OSGEPL1: variants seen among roughly 807,000 people sequenced by gnomAD.
OSGEPL1 encodes O-sialoglycoprotein endopeptidase like 1.
In OSGEPL1, 26 loss-of-function variants were observed where a neutral mutation model predicts 37.2. The ratio of observed to expected loss-of-function variants is 0.70; its 90% confidence interval spans 0.51 to 0.97. The LOEUF (loss-of-function observed/expected upper bound fraction) is 0.97, where lower values mean the gene tolerates loss of function less well. Ranked by LOEUF, OSGEPL1 falls within the 50% of genes least tolerant of loss-of-function variation. The probability of loss-of-function intolerance (pLI) is 0.00; values close to 1 mark genes in which losing one functional copy is unlikely to be tolerated. For missense variants in OSGEPL1, 404 were observed against 487.0 expected, an observed-to-expected ratio of 0.83 and a Z score of 1.60; for synonymous variants, 140 against 159.9, an observed-to-expected ratio of 0.88 and a Z score of 0.94.
intron 8 of OSGEPL1, among the ~76,000 whole-genome samples, chr2:189,747,618 TCTC>T (rs752835556): frequency 6.6e-6 from 1 of 152,172 alleles, no homozygotes; most frequent in East Asian, 1.9e-4. Flanking sequence ...AATGTCTGCT[TCTC>T]CTATTTTATA....
intron 8 of OSGEPL1, among the ~76,000 whole-genome samples, chr2:189,750,234 TG>T: frequency 6.6e-6 from 1 of 152,122 alleles, no homozygotes; most frequent in Non-Finnish European, 1.5e-5. Context: ...TTTGAGGAAG[TG>T]GGGGAAAGTC....
intron 8 of OSGEPL1, among the ~76,000 whole-genome samples, chr2:189,747,772 G>A (rs1455787652): frequency 2.0e-5 from 3 of 151,852 alleles, no homozygotes; most frequent in South Asian, 2.1e-4. Context: ...GGCTCACTCC[G>A]CCTCCTGGGT....
chr2:189,761,544 G>C lies in OSGEPL1; in HGVS notation c.97C>G (p.Leu33Val), dbSNP rs777453447. 3.7e-6 allele frequency: 6 copies of C among 1,611,792 alleles called. No homozygotes were observed. Among genetic ancestry groups the C allele is most frequent in the Middle Eastern group, 3.3e-4 (2 of 6,046 alleles). The stretch of plus-strand genomic sequence containing the variant: ...CCCAATACTATTTTATGAAGAAATA[G>C]TGTTCCAGGATGAAAATTAAAACTT... ...LRSFNFHPGT[L>V]FLHKIVLGIE... Residue 33 changes from leucine to valine, a missense_variant, in exon 2 of 9, where the codon CTA becomes GTA. Leu to Val is a conservative substitution (Grantham distance 32). Coordinates refer to ENST00000264151, the MANE Select transcript of OSGEPL1 (RefSeq NM_022353.3).
chr2:189,751,935 C>G (rs2105976472), intron 7 of OSGEPL1, among the ~76,000 whole-genome samples: 1 of 150,798 alleles, frequency 6.6e-6, no homozygotes, highest in Non-Finnish European at 1.5e-5. Flanking sequence ...CACTTGAGGC[C>G]TGGAGTTCGA....
chr2:189,750,346 G>C (rs1189700995), intron 8 of OSGEPL1, among the ~76,000 whole-genome samples: 1 of 151,786 alleles, frequency 6.6e-6, no homozygotes, highest in African/African-American at 2.4e-5. Context: ...TTTCTCAAAA[G>C]ATGTTTTATT....
In OSGEPL1 at chr2:189,752,899, C is replaced by T; in HGVS notation, c.1044G>A (p.Leu348=). Residue 348 remains leucine (L), a synonymous_variant, in exon 6 of 9, where the codon TTG becomes TTA. Transcript: ENST00000264151. ...EILTNATQCT[L]LCPPPRLCTD... ...TGCATAGTCTGGGAGGAGGACACAA[C>T]AAAGTGCACTGTGTTGCATTTGTTA... 2 of 1,613,888 alleles carry T rather than the reference C, an allele frequency of 1.2e-6. No individual in the cohort carries two copies. Among genetic ancestry groups the T allele is most frequent in the Non-Finnish European group, 1.7e-6 (2 of 1,179,818 alleles).
intron 8 of OSGEPL1, among the ~76,000 whole-genome samples, chr2:189,748,756 A>C (rs2044584898): frequency 6.6e-6 from 1 of 152,226 alleles, no homozygotes; most frequent in South Asian, 2.1e-4. Context: ...AGATATTTTT[A>C]AAAGCCTTTA....
chr2:189,757,973 A>G (rs974466224), intron 2 of OSGEPL1, among the ~76,000 whole-genome samples: 1 of 152,172 alleles, frequency 6.6e-6, no homozygotes, highest in African/African-American at 2.4e-5. Flanking sequence ...CTCATGTAGA[A>G]TGGTAATTCC....
chr2:189,751,374 A>G (rs2045179697), intron 7 of OSGEPL1, among the ~76,000 whole-genome samples: 1 of 152,000 alleles, frequency 6.6e-6, no homozygotes, highest in Non-Finnish European at 1.5e-5. Context: ...CAGTTCATTC[A>G]TCATCAGCAT....
Position 189,755,289 on chromosome 2 carries a change from A to C in OSGEPL1, c.493T>G (p.Phe165Val), listed in dbSNP as rs933423253. The change falls in exon 3 of 9, where the codon TTT becomes GTT. Residue 165 changes from phenylalanine to valine, a missense_variant. By Grantham distance (50) the Phe-to-Val change is conservative. Coordinates refer to ENST00000264151, the MANE Select transcript of OSGEPL1 (RefSeq NM_022353.3). ...CCTCCAGAAATCAAAAGAACTAAAA[A>C]AGGAAATTCTACTTTATTGGTCAAC... ...IRLTNKVEFPFLVLLISGGHC... is the reference protein window; with the variant it reads ...IRLTNKVEFPVLVLLISGGHC... 5 of 1,613,396 alleles carry C rather than the reference A, an allele frequency of 3.1e-6. No homozygotes were observed. In the African/African-American group the frequency reaches 6.7e-5, roughly 22 times the overall value.
chr2:189,750,461 AAT>A (rs1186277300), intron 8 of OSGEPL1, 87 bp downstream of exon 8: 2 of 586,318 alleles, frequency 3.4e-6, no homozygotes, highest in Non-Finnish European at 5.9e-6. Context: ...GAAAAAAAAA[AAT>A]AAAATCTTGA....
chr2:189,758,351 G>A (rs779671723), intron 2 of OSGEPL1, among the ~76,000 whole-genome samples: 11 of 151,838 alleles, frequency 7.2e-5, no homozygotes, highest in Non-Finnish European at 1.5e-4. Flanking sequence ...ATTGCACTCT[G>A]GTCTGGGCAA....
rs1259436183 is a variant in OSGEPL1, at chr2:189,753,918, G to C, written c.961C>G (p.Leu321Val). 4 of 1,613,150 alleles carry C rather than the reference G, an allele frequency of 2.5e-6. No individual in the cohort carries two copies. Among genetic ancestry groups the C allele is most frequent in the Non-Finnish European group, 3.4e-6 (4 of 1,179,692 alleles). ...CTATAAAATGAGATAAAACTTACCA[G>C]TACTGCATTATTTTGAGGTAACAAG... ...RDLLPQNNAVLVASGGVASNF... is the reference protein window; with the variant it reads ...RDLLPQNNAVVVASGGVASNF... Residue 321 changes from leucine (L) to valine (V), a missense_variant and splice_region_variant, in exon 5 of 9, where the codon CTG becomes GTG. By Grantham distance (32) the Leu-to-Val change is conservative. Coordinates refer to ENST00000264151, the MANE Select transcript of OSGEPL1 (RefSeq NM_022353.3).
intron 7 of OSGEPL1, among the ~76,000 whole-genome samples, chr2:189,751,676 C>G (rs2045268684): frequency 6.6e-6 from 1 of 151,468 alleles, no homozygotes; most frequent in Non-Finnish European, 1.5e-5. Flanking sequence ...AACTCCTAAC[C>G]TCAGATGATC....
chr2:189,758,156 G>A (rs562926076), intron 2 of OSGEPL1, among the ~76,000 whole-genome samples: 2 of 152,288 alleles, frequency 1.3e-5, no homozygotes, highest in African/African-American at 4.8e-5. Flanking sequence ...GCCGAGGTGG[G>A]TGGATCACTT....
intron 2 of OSGEPL1, among the ~76,000 whole-genome samples, chr2:189,759,190 T>A (rs2046578860): frequency 6.6e-6 from 1 of 152,148 alleles, no homozygotes; most frequent in Admixed American, 6.5e-5. Context: ...TCAATCTGCC[T>A]CTTTACATAC....
intron 4 of OSGEPL1, 26 bp from the exon 5 acceptor site, chr2:189,754,090 G>A (rs941170620): frequency 1.2e-6 from 2 of 1,611,592 alleles, no homozygotes; most frequent in Non-Finnish European, 1.7e-6. Flanking sequence ...GCTATTTTTA[G>A]GCACAATCCA....
Position 189,752,728 on chromosome 2 carries a change from A to C in OSGEPL1, c.1095-4T>G, listed in dbSNP as rs2045470770. 6 of 1,613,808 alleles carry C rather than the reference A, an allele frequency of 3.7e-6. No individual in the cohort carries two copies. The highest frequency in any genetic ancestry group is 1.7e-5 in the Admixed American group (1 of 59,998). On this transcript the variant is annotated splice_region_variant and splice_polypyrimidine_tract_variant and intron_variant, in intron 6 of 8. Transcript: ENST00000264151. ...ACGTAGTCTTTCAATACCATTCCTA[A>C]ATAAGAAGCATTAAAATAAAATCAA...
intron 2 of OSGEPL1, among the ~76,000 whole-genome samples, chr2:189,760,643 C>A (rs1052113446): frequency 6.6e-6 from 1 of 151,830 alleles, no homozygotes; most frequent in Admixed American, 6.6e-5. Context: ...TGCAAAAAAT[C>A]AGCTGGGCGT....
Sources: allele counts gnomAD v4.1 joint callset (sites outside exome capture counted in the v4.1 genomes callset), GRCh38; gene constraint gnomAD v4.1.1; transcripts MANE v1.5; gene names NCBI Gene and HGNC (gene_info 2026-07-23, HGNC 2026-07-21).